The following BMPR1B variants were observed in gnomAD, a reference collection of about 807,000 sequenced individuals.
BMPR1B encodes the protein bone morphogenetic protein receptor type 1B.
Under a neutral mutation model 59.1 loss-of-function variants are expected in BMPR1B, and 12 were observed. The ratio of observed to expected loss-of-function variants is 0.20; its 90% confidence interval spans 0.13 to 0.33. The LOEUF (loss-of-function observed/expected upper bound fraction) is 0.33. BMPR1B is among the 10% of genes least tolerant of loss of function. The probability of loss-of-function intolerance (pLI) is 1.00; values close to 1 mark genes in which losing one functional copy is unlikely to be tolerated. For synonymous variants in BMPR1B, 237 were observed against 207.3 expected, an observed-to-expected ratio of 1.14 and a Z score of -1.23; for missense variants, 550 against 610.9, an observed-to-expected ratio of 0.90 and a Z score of 1.05.
chr4:95,063,824 TA>T (rs1560626669), intron 3 of BMPR1B, among the ~76,000 whole-genome samples: 3 of 151,586 alleles, frequency 2.0e-5, no homozygotes, highest in African/African-American at 7.3e-5. Context: ...AAAATGAAAA[TA>T]AACAATAAAA....
rs527394971 is a variant in BMPR1B, at chr4:95,116,605, T to TTC, written c.349+834_349+835dup. On this transcript the variant is annotated intron_variant, in intron 6 of 12. Coordinates refer to ENST00000515059, the MANE Select transcript of BMPR1B (RefSeq NM_001203.3). ...TGGAATTTCATGACTTTGTTTTGCTTTCTCTCTCTCTCTCTCTTTTTTTTT... is the reference window on the plus strand; with the variant it reads ...TGGAATTTCATGACTTTGTTTTGCTTTCTCTCTCTCTCTCTCTCTTTTTTTTT... 1.1e-3 allele frequency among the ~76,000 whole-genome samples: 161 copies of TTC among 151,516 alleles called. No individual in the cohort carries two copies. The South Asian group carries it at 0.019, about 18-fold the overall frequency.
intron 2 of BMPR1B, among the ~76,000 whole-genome samples, chr4:94,980,006 T>C (rs542722681): frequency 6.6e-6 from 1 of 152,330 alleles, no homozygotes; most frequent in South Asian, 2.1e-4. Context: ...AGCAGAAAAC[T>C]GCTACCTGCC....
chr4:95,121,538 A>G (rs1269002713), intron 6 of BMPR1B, among the ~76,000 whole-genome samples: 2 of 152,172 alleles, frequency 1.3e-5, no homozygotes, highest in Non-Finnish European at 2.9e-5. Flanking sequence ...AATAATACAG[A>G]CACACAAATA....
intron 2 of BMPR1B, among the ~76,000 whole-genome samples, chr4:94,970,588 C>T (rs1301253856): frequency 6.6e-6 from 1 of 152,180 alleles, no homozygotes; most frequent in East Asian, 1.9e-4. Flanking sequence ...ACTGGGATTA[C>T]AGGCATGAAC....
intron 2 of BMPR1B, among the ~76,000 whole-genome samples, chr4:94,924,984 C>T (rs1728829974): frequency 6.6e-6 from 1 of 152,108 alleles, no homozygotes; most frequent in South Asian, 2.1e-4. Flanking sequence ...AGTAAAATCT[C>T]CTGGCCACTT....
chr4:94,993,925 T>TA (rs1402455787), intron 2 of BMPR1B, among the ~76,000 whole-genome samples: 1 of 152,160 alleles, frequency 6.6e-6, no homozygotes, highest in Non-Finnish European at 1.5e-5. Flanking sequence ...GTGTGTTACT[T>TA]AAATACATAG....
chr4:95,106,650 G>A (rs908089128), intron 4 of BMPR1B, among the ~76,000 whole-genome samples: 6 of 151,992 alleles, frequency 3.9e-5, no homozygotes, highest in Non-Finnish European at 8.8e-5. Context: ...ATACATTTGA[G>A]GATTTTTATG....
chr4:95,101,140 C>G (rs1047222922), intron 3 of BMPR1B, among the ~76,000 whole-genome samples: 1 of 152,092 alleles, frequency 6.6e-6, no homozygotes, highest in Admixed American at 6.6e-5. Context: ...GCTCTTTATT[C>G]TTGACCTGGT....
At chr4:94,799,697 T>C (rs891360656) in intron 1 of BMPR1B, among the ~76,000 whole-genome samples, 1 of 151,604 alleles carries the variant, frequency 6.6e-6, no homozygotes, top group Non-Finnish European at 1.5e-5. Context: ...TTTTTGTTTT[T>C]GTTTTTGTTC....
At chr4:94,790,459 A>C (rs1035943906) in intron 1 of BMPR1B, among the ~76,000 whole-genome samples, 1 of 152,180 alleles carries the variant, frequency 6.6e-6, no homozygotes, top group African/African-American at 2.4e-5. Flanking sequence ...CAGGAAGGCC[A>C]GTTAGGAGGT....
chr4:94,892,881 A>G (rs574489183), intron 2 of BMPR1B, among the ~76,000 whole-genome samples: 2 of 152,138 alleles, frequency 1.3e-5, no homozygotes, highest in South Asian at 2.1e-4. Context: ...CTATTTCCTG[A>G]GGAAATGTGG....
chr4:95,077,885 G>A (rs181033154), intron 3 of BMPR1B, among the ~76,000 whole-genome samples: 3 of 152,136 alleles, frequency 2.0e-5, no homozygotes, highest in African/African-American at 7.2e-5. Flanking sequence ...ATATCATCTA[G>A]CTTTGGGAAT....
At chr4:95,091,948 AAC>A (rs1730023388) in intron 3 of BMPR1B, among the ~76,000 whole-genome samples, 1 of 152,056 alleles carries the variant, frequency 6.6e-6, no homozygotes. Flanking sequence ...ACACATTTTC[AAC>A]ACTGTCAAGG....
In BMPR1B at chr4:95,143,631, A is replaced by G. The variant is rs188663325; in HGVS notation, c.1077-5117A>G. Among the ~76,000 whole-genome samples, 7 of 152,324 alleles carry G rather than the reference A, an allele frequency of 4.6e-5. No homozygotes were observed. In the East Asian group the frequency reaches 1.2e-3, roughly 25 times the overall value. ...ATACTCCACCATGCTGGCATTTTCT[A>G]TATCATACCACTGTCATTCAAGTGA... On this transcript the variant is annotated intron_variant, in intron 10 of 12. Coordinates refer to ENST00000515059, the MANE Select transcript of BMPR1B (RefSeq NM_001203.3).
intron 3 of BMPR1B, among the ~76,000 whole-genome samples, chr4:95,011,700 A>C (rs1353558225): frequency 6.6e-6 from 1 of 152,032 alleles, no homozygotes; most frequent in Non-Finnish European, 1.5e-5. Context: ...TACTCTGAAA[A>C]ACCAGGAATC....
intron 2 of BMPR1B, among the ~76,000 whole-genome samples, chr4:94,952,725 G>A (rs1019767045): frequency 2.0e-5 from 3 of 152,026 alleles, no homozygotes; most frequent in Non-Finnish European, 4.4e-5. Context: ...GCTGAGAAGG[G>A]TGTATATTCT....
At chr4:94,780,890 G>A (rs529448845) in intron 1 of BMPR1B, among the ~76,000 whole-genome samples, 2 of 151,712 alleles carry the variant, frequency 1.3e-5, no homozygotes, top group East Asian at 1.9e-4. Context: ...GGGTTTCACC[G>A]TGTTAGCCAG....
chr4:94,821,591 C>T (rs886983301), intron 1 of BMPR1B, among the ~76,000 whole-genome samples: 3 of 151,986 alleles, frequency 2.0e-5, no homozygotes, highest in Admixed American at 6.6e-5. Flanking sequence ...TTCAATAAAA[C>T]AGCAGTACAC....
intron 1 of BMPR1B, among the ~76,000 whole-genome samples, chr4:94,824,827 A>G (rs969321754): frequency 3.3e-5 from 5 of 152,140 alleles, no homozygotes; most frequent in African/African-American, 1.2e-4. Flanking sequence ...AATGAAAGTT[A>G]TATATAGTGT....
Sources: allele counts gnomAD v4.1 joint callset (sites outside exome capture counted in the v4.1 genomes callset), GRCh38; gene constraint gnomAD v4.1.1; transcripts MANE v1.5; gene names NCBI Gene and HGNC (gene_info 2026-07-23, HGNC 2026-07-21).